Variants in PIKFYVE observed in about 807,000 individuals in gnomAD.
The protein encoded by PIKFYVE is 1-phosphatidylinositol 3-phosphate 5-kinase.
PIKFYVE carries 122 observed loss-of-function variants against 257.9 expected under a neutral mutation model. The ratio of observed to expected loss-of-function variants is 0.47; its 90% CI spans 0.41 to 0.55. PIKFYVE has a LOEUF of 0.55. PIKFYVE is among the 20% of genes least tolerant of loss of function. The pLI is 0.00. For missense variants in PIKFYVE, 2,160 were observed against 2,536.6 expected, an observed-to-expected ratio of 0.85 and a Z score of 3.19; for synonymous variants, 892 against 868.9, an observed-to-expected ratio of 1.03 and a Z score of -0.47.
chr2:208,338,400 G>GTA, intron 28 of PIKFYVE, 108 bp from the exon 29 acceptor site: 4 of 880,730 alleles, frequency 4.5e-6, no homozygotes, highest in Non-Finnish European at 7.4e-6. Context: ...TTTTTTAACG[G>GTA]TATAAATGGG....
Position 208,273,676 on chromosome 2 carries a change from C to T in PIKFYVE, c.265C>T (p.Pro89Ser), listed in dbSNP as rs976477884. Residue 89 changes from proline to serine, a missense_variant, in exon 3 of 42, where the codon CCC (proline) becomes TCC (serine). Pro to Ser is a moderately conservative substitution (Grantham distance 74, BLOSUM62 -1). This residue lies in a region of PIKFYVE where 172 missense variants were observed against 180.6 expected (regional missense o/e 0.95). Coordinates refer to ENST00000264380, the MANE Select transcript of PIKFYVE (RefSeq NM_015040.4). The part of the protein sequence containing the change: ...LPSRTQSVRS[P>S]TPYKKQLNEE... The stretch of plus-strand genomic sequence containing the variant: ...TTCGAGGACACAGTCTGTTAGGTCA[C>T]CCACACCTTATAAAAAGCAGCTTAA... 6.2e-7 allele frequency: 1 copy of T among 1,614,124 alleles called. No individual in the cohort carries two copies. Among genetic ancestry groups the T allele is most frequent in the Non-Finnish European group, 8.5e-7 (1 of 1,180,022 alleles).
rs747691379 is a variant in PIKFYVE, at chr2:208,352,763, A to G, written c.5825A>G (p.Tyr1942Cys). 1 of 1,613,420 alleles carries G rather than the reference A, an allele frequency of 6.2e-7. No individual in the cohort carries two copies. Among genetic ancestry groups the G allele is most frequent in the African/African-American group, 1.3e-5 (1 of 74,926 alleles). ...LDLLVMENLF[Y>C]GRKMAQVFDL... ...CTCCTTGTCATGGAAAATCTTTTCT[A>G]CGGGAGAAAGATGGCACAGGTAAGG... The change falls in exon 39 of 42, where the codon TAC becomes TGC. Residue 1942 changes from tyrosine to cysteine, a missense_variant. Physicochemically the swap from Tyr to Cys is radical, Grantham distance 194. Around this residue, in one of 12 missense-constraint regions of PIKFYVE, gnomAD observed 699 missense variants for 855.8 expected, o/e 0.82. Transcript: ENST00000264380.
At chr2:208,266,708 C>G (rs1310751334) in intron 1 of PIKFYVE, among the ~76,000 whole-genome samples, 1 of 152,232 alleles carries the variant, frequency 6.6e-6, no homozygotes, top group Admixed American at 6.5e-5. Context: ...TCGACCCTTA[C>G]GCCTGAACTT....
chr2:208,324,553 A>T (rs6435444), intron 18 of PIKFYVE, among the ~76,000 whole-genome samples: 1 of 152,024 alleles, frequency 6.6e-6, no homozygotes. Flanking sequence ...TTGATCCTTC[A>T]TTTTTGTTGG....
At position 208,312,181 on chromosome 2, in the gene PIKFYVE, A is replaced by G. The variant is rs1351794505; in HGVS notation, c.1637-55A>G. 9 of 1,218,248 alleles carry G rather than the reference A, an allele frequency of 7.4e-6. No homozygotes were observed. The Admixed American group carries it at 1.5e-4, about 21-fold the overall frequency. The allele number at this position is 1,218,248 out of a possible 1,614,324, so 75.5% of individuals were successfully genotyped here. A position where few individuals can be genotyped will look rare whatever the true frequency, so the allele number is the denominator to read the frequency against. ...CTCTATATAATTATGCTGACATGTTATAGTCATATGTCTCTACTTTTGTTC... is the reference window on the plus strand; with the variant it reads ...CTCTATATAATTATGCTGACATGTTGTAGTCATATGTCTCTACTTTTGTTC... On this transcript the variant is annotated intron_variant, in intron 12 of 41. Coordinates refer to ENST00000264380, the MANE Select transcript of PIKFYVE (RefSeq NM_015040.4).
chr2:208,268,139 A>AT (rs1020168803), intron 1 of PIKFYVE, among the ~76,000 whole-genome samples: 33 of 152,054 alleles, frequency 2.2e-4, no homozygotes, highest in Non-Finnish European at 4.3e-4. Flanking sequence ...TTATAAGATA[A>AT]TTTTTTCAGG....
At chr2:208,274,826 CTT>C (rs1209065826) in intron 3 of PIKFYVE, among the ~76,000 whole-genome samples, 3 of 152,190 alleles carry the variant, frequency 2.0e-5, no homozygotes, top group Admixed American at 1.3e-4. Context: ...CAACAACACT[CTT>C]TTTGTTGAGG....
intron 13 of PIKFYVE, 81 bp downstream of exon 13, chr2:208,312,376 C>T: frequency 9.1e-7 from 1 of 1,093,958 alleles, no homozygotes; most frequent in Non-Finnish European, 1.4e-6. Flanking sequence ...CATTGATTAG[C>T]ACAGAGAAGG....
At chr2:208,347,836 AAT>A in intron 34 of PIKFYVE, 21 bp from the exon 35 acceptor site, 1 of 1,590,736 alleles carries the variant, frequency 6.3e-7, no homozygotes, top group East Asian at 2.2e-5. Context: ...ACTTAAAATT[AAT>A]ATGTTACTTC....
chr2:208,313,840 C>T (rs1233583730), intron 13 of PIKFYVE, among the ~76,000 whole-genome samples: 1 of 152,166 alleles, frequency 6.6e-6, no homozygotes, highest in African/African-American at 2.4e-5. Context: ...ACCTCGGCCT[C>T]CCAAAGTGTT....
chr2:208,295,047 T>TGATAATTGATAACAAA (rs569056541), intron 7 of PIKFYVE, among the ~76,000 whole-genome samples: 1,589 of 152,298 alleles, frequency 0.01, 10 homozygotes, highest in Non-Finnish European at 0.016. Flanking sequence ...CAATTTGATT[T>TGATAATTGATAACAAA]TAGGTTTTCC....
At chr2:208,269,275 G>A (rs1431158256) in intron 1 of PIKFYVE, 1 of 152,620 alleles carries the variant, frequency 6.6e-6, no homozygotes, top group Non-Finnish European at 1.5e-5. Flanking sequence ...GTAGCCTCCT[G>A]GTGGCTGGAA....
rs886055539 is a variant in PIKFYVE, at chr2:208,356,082, A to G, written c.*777A>G. On this transcript the variant is annotated 3_prime_UTR_variant, in exon 42 of 42. Coordinates refer to ENST00000264380, the MANE Select transcript of PIKFYVE (RefSeq NM_015040.4). ...GCTCATATTCTAGGGTTTTTTCTCT[A>G]TTTTTAGGGTATCATAGTAAATCAT... 6 of 152,292 alleles carry G rather than the reference A, an allele frequency of 3.9e-5. No individual in the cohort carries two copies. The highest frequency in any genetic ancestry group is 4.4e-5 in the Non-Finnish European group (3 of 68,002). The allele number at this position is 152,292 out of a possible 1,614,324, so 9.4% of individuals were successfully genotyped here. A position where few individuals can be genotyped will look rare whatever the true frequency, so the allele number is the denominator to read the frequency against.
chr2:208,339,858 A>G (rs1299593603), intron 30 of PIKFYVE, among the ~76,000 whole-genome samples, 153 bp from the exon 31 acceptor site: 1 of 152,220 alleles, frequency 6.6e-6, no homozygotes, highest in Admixed American at 6.5e-5. Context: ...GTTTTATCCC[A>G]TAGTGGTCTT....
Position 208,304,235 on chromosome 2 carries a change from C to T in PIKFYVE, c.1385C>T (p.Ser462Phe), listed in dbSNP as rs1210705040. ...SDSVNSVEGH[S>F]EPSWFKDIKF... ...TCAGTGAACTCCGTGGAAGGACACTCTGAGCCATCCTGGTTTAAAGACATA... is the reference window on the plus strand; with the variant it reads ...TCAGTGAACTCCGTGGAAGGACACTTTGAGCCATCCTGGTTTAAAGACATA... Residue 462 changes from serine to phenylalanine, a missense_variant, in exon 11 of 42, where the codon TCT becomes TTT. This residue lies in a region of PIKFYVE where 15 missense variants were observed against 39.1 expected (regional missense o/e 0.38). Coordinates refer to ENST00000264380, the MANE Select transcript of PIKFYVE (RefSeq NM_015040.4). 6.2e-7 allele frequency: 1 copy of T among 1,614,046 alleles called. No individual in the cohort carries two copies. Among genetic ancestry groups the T allele is most frequent in the Admixed American group, 1.7e-5 (1 of 60,026 alleles).
At chr2:208,351,497 CT>C in intron 38 of PIKFYVE, 42 bp downstream of exon 38, 1 of 1,427,550 alleles carries the variant, frequency 7.0e-7, no homozygotes, top group Non-Finnish European at 9.9e-7. Flanking sequence ...AGTTTGGTGG[CT>C]TTTTTCACAT....
intron 35 of PIKFYVE, among the ~76,000 whole-genome samples, chr2:208,349,211 A>G (rs1699529449): frequency 6.6e-6 from 1 of 152,066 alleles, no homozygotes; most frequent in Admixed American, 6.6e-5. Context: ...AGTAATTAAG[A>G]TATCTGTTTA....
intron 28 of PIKFYVE, 135 bp downstream of exon 28, chr2:208,337,063 A>G: frequency 1.5e-6 from 1 of 661,078 alleles, no homozygotes; most frequent in Non-Finnish European, 2.7e-6. Context: ...TGAATTTGTG[A>G]GGTTTCAAGG....
chr2:208,278,638 T>C (rs1309185348), intron 5 of PIKFYVE, among the ~76,000 whole-genome samples: 1 of 152,144 alleles, frequency 6.6e-6, no homozygotes, highest in Non-Finnish European at 1.5e-5. Flanking sequence ...AGCTCCCACT[T>C]GTAAGTGAGA....
Sources: allele counts gnomAD v4.1 joint callset (sites outside exome capture counted in the v4.1 genomes callset), GRCh38; gene constraint gnomAD v4.1.1; regional missense constraint gnomAD v4.1.1; transcripts MANE v1.5; gene names NCBI Gene and HGNC (gene_info 2026-07-23, HGNC 2026-07-21).